The following DSCAM variants were observed in gnomAD, a reference collection of about 807,000 sequenced individuals.
DSCAM encodes cell adhesion molecule DSCAM.
A neutral mutation model predicts 217.7 loss-of-function variants in DSCAM; 47 were observed. That is an observed-to-expected ratio of 0.22 (90% confidence interval 0.17 to 0.28). The LOEUF is 0.28. Among genes scored for constraint, DSCAM ranks in the 10% least tolerant of loss-of-function variants. The pLI is 1.00. For synonymous variants in DSCAM, 1,056 were observed against 1,015.3 expected, an observed-to-expected ratio of 1.04 and a Z score of -0.76; for missense variants, 2,080 against 2,618.3, an observed-to-expected ratio of 0.79 and a Z score of 4.49.
intron 3 of DSCAM, among the ~76,000 whole-genome samples, chr21:40,571,272 TA>T (rs985086493): frequency 6.6e-6 from 1 of 151,886 alleles, no homozygotes; most frequent in African/African-American, 2.4e-5. Context: ...AAAGTATAAA[TA>T]AAAAAATAAA....
At chr21:40,284,684 G>A (rs1019246006) in intron 10 of DSCAM, among the ~76,000 whole-genome samples, 1 of 152,204 alleles carries the variant, frequency 6.6e-6, no homozygotes, top group Admixed American at 6.5e-5. Flanking sequence ...GACGGGAGAA[G>A]CATCTTAGTT....
intron 3 of DSCAM, among the ~76,000 whole-genome samples, chr21:40,652,382 T>C (rs551248223): frequency 6.6e-6 from 1 of 151,776 alleles, no homozygotes; most frequent in East Asian, 1.9e-4. Context: ...GCTATAAGAA[T>C]CCTGCTTTGA....
At chr21:40,353,809 G>A in intron 4 of DSCAM, 66 bp from the exon 5 acceptor site, 2 of 1,358,036 alleles carry the variant, frequency 1.5e-6, no homozygotes, top group East Asian at 2.7e-5. Flanking sequence ...TAGAATTGTA[G>A]GACTTCATGT....
chr21:40,624,808 C>G (rs1484115696), intron 3 of DSCAM, among the ~76,000 whole-genome samples: 2 of 152,114 alleles, frequency 1.3e-5, no homozygotes, highest in Non-Finnish European at 2.9e-5. Flanking sequence ...CTCCAACCTT[C>G]CAAGCACCTG....
intron 3 of DSCAM, among the ~76,000 whole-genome samples, chr21:40,578,714 T>C (rs2076877483): frequency 6.6e-6 from 1 of 152,178 alleles, no homozygotes; most frequent in African/African-American, 2.4e-5. Context: ...TGTGAGGGTC[T>C]GCGGCTTCAC....
chr21:40,361,592 G>A (rs1811735145), intron 4 of DSCAM, among the ~76,000 whole-genome samples: 1 of 152,110 alleles, frequency 6.6e-6, no homozygotes, highest in African/African-American at 2.4e-5. Flanking sequence ...GCACTCCAGT[G>A]TGGCAACAGA....
chr21:40,036,931 A>G (rs1486293963), intron 32 of DSCAM, among the ~76,000 whole-genome samples: 1 of 150,796 alleles, frequency 6.6e-6, no homozygotes, highest in African/African-American at 2.5e-5. Context: ...GATTATCTGC[A>G]TAGATGCAGA....
At chr21:40,630,029 T>A (rs2089666633) in intron 3 of DSCAM, among the ~76,000 whole-genome samples, 1 of 152,078 alleles carries the variant, frequency 6.6e-6, no homozygotes, top group Non-Finnish European at 1.5e-5. Context: ...CTAGATTCCC[T>A]GGGAGGCAAG....
chr21:40,569,343 G>A (rs189566135), intron 3 of DSCAM, among the ~76,000 whole-genome samples: 1 of 152,298 alleles, frequency 6.6e-6, no homozygotes, highest in East Asian at 1.9e-4. Context: ...TTGCTATGAA[G>A]GTTATTGTGT....
intron 1 of DSCAM, among the ~76,000 whole-genome samples, chr21:40,825,494 T>G (rs956411817): frequency 3.3e-5 from 5 of 152,060 alleles, no homozygotes; most frequent in African/African-American, 9.7e-5. Flanking sequence ...ATTTTTGTAT[T>G]TTTAGTAGAG....
chr21:40,316,439 A>G (rs1346545997), intron 8 of DSCAM, among the ~76,000 whole-genome samples: 1 of 152,250 alleles, frequency 6.6e-6, no homozygotes, highest in East Asian at 1.9e-4. Flanking sequence ...CTTATATTTT[A>G]TATTCATAAG....
rs114061789 is a variant in DSCAM at position 40,103,691 on chromosome 21, G to T, written c.3697-9817C>A. 8.8e-3 allele frequency among the ~76,000 whole-genome samples: 1,335 copies of T among 151,068 alleles called. 20 individuals are homozygous for T. Among genetic ancestry groups the T allele is most frequent in the African/African-American group, 0.031 (1,276 of 41,022 alleles). ...TTACTGTAGATACCATTACATATAT[G>T]ACTATATATATGACTATATATAGAC... On this transcript the variant is annotated intron_variant, in intron 20 of 32. Coordinates refer to ENST00000400454, the MANE Select transcript of DSCAM (RefSeq NM_001389.5).
At chr21:40,845,606 CTT>C (rs1026395246) in intron 1 of DSCAM, among the ~76,000 whole-genome samples, 1 of 151,190 alleles carries the variant, frequency 6.6e-6, no homozygotes, top group Non-Finnish European at 1.5e-5. Flanking sequence ...TCCCTCCTCT[CTT>C]TCTCTCTCTC....
intron 32 of DSCAM, among the ~76,000 whole-genome samples, chr21:40,022,141 G>C (rs1032841253): frequency 5.3e-5 from 8 of 152,142 alleles, no homozygotes; most frequent in Non-Finnish European, 1.2e-4. Flanking sequence ...CTATCTCCCA[G>C]GCACCACACT....
chr21:40,484,611 G>C (rs894987642), intron 3 of DSCAM, among the ~76,000 whole-genome samples: 1 of 119,538 alleles, frequency 8.4e-6, no homozygotes, highest in Admixed American at 9.3e-5. Context: ...GAAACTCTTG[G>C]ATAATGTTCA....
chr21:40,247,961 T>C (rs563236962), intron 11 of DSCAM, among the ~76,000 whole-genome samples: 2 of 152,326 alleles, frequency 1.3e-5, no homozygotes, highest in South Asian at 2.1e-4. Context: ...TTGACTTCTG[T>C]GCACCCACAG....
chr21:40,533,463 G>A (rs917422547), intron 3 of DSCAM, among the ~76,000 whole-genome samples: 3 of 148,038 alleles, frequency 2.0e-5, no homozygotes, highest in African/African-American at 5.0e-5. Context: ...TCCACCCATC[G>A]TCCATCCATC....
rs577719517 is a variant in DSCAM, at chr21:40,746,205, CAAT to C, written c.44-37437_44-37435del. ...ATGGTAGTAGTAAAGCCCCACCTAA[CAAT>C]AATAACCTTAAATGCAAATGAATTA... On this transcript the variant is annotated intron_variant, in intron 1 of 32. Transcript: ENST00000400454. Among the ~76,000 whole-genome samples, 22 of 151,722 alleles carry C rather than the reference CAAT, an allele frequency of 1.5e-4. No homozygotes were observed. The South Asian group carries it at 4.2e-3, about 29-fold the overall frequency.
chr21:40,357,159 T>C (rs1032884725), intron 4 of DSCAM, among the ~76,000 whole-genome samples: 72 of 152,150 alleles, frequency 4.7e-4, no homozygotes, highest in African/African-American at 1.7e-3. Context: ...AAGAGAGATA[T>C]AAAAGTTTCA....
Sources: allele counts gnomAD v4.1 joint callset (sites outside exome capture counted in the v4.1 genomes callset), GRCh38; gene constraint gnomAD v4.1.1; transcripts MANE v1.5; gene names NCBI Gene and HGNC (gene_info 2026-07-23, HGNC 2026-07-21).